The following CREB5 variants were observed in gnomAD, a reference collection of about 807,000 sequenced individuals.
CREB5 encodes the protein cyclic AMP-responsive element-binding protein 5.
Under a neutral mutation model 57.1 loss-of-function variants are expected in CREB5, and 19 were observed. The observed-to-expected ratio is 0.33, with a 90% CI of 0.23 to 0.49. The LOEUF (loss-of-function observed/expected upper bound fraction) is 0.49, where lower values mean the gene tolerates loss of function less well. Among genes scored for constraint, CREB5 ranks in the 20% least tolerant of loss-of-function variants. The pLI is 0.99. For missense variants in CREB5, 579 were observed against 671.6 expected (o/e 0.86, Z 1.52); for synonymous variants, 238 against 238.3 (o/e 1.00, Z 0.01).
intron 5 of CREB5, among the ~76,000 whole-genome samples, chr7:28,710,363 A>G (rs911272508): frequency 6.6e-6 from 1 of 152,192 alleles, no homozygotes; most frequent in Non-Finnish European, 1.5e-5. Context: ...CATATTTATT[A>G]AGCACCTACT....
intron 5 of CREB5, among the ~76,000 whole-genome samples, chr7:28,642,091 A>G (rs1306400621): frequency 2.0e-5 from 3 of 152,238 alleles, no homozygotes; most frequent in Admixed American, 6.5e-5. Flanking sequence ...GGAACCCCGT[A>G]TTAGAGTCTC....
intron 5 of CREB5, among the ~76,000 whole-genome samples, chr7:28,611,211 C>G (rs766074346): frequency 6.6e-6 from 1 of 152,082 alleles, no homozygotes; most frequent in Non-Finnish European, 1.5e-5. Context: ...TGTCCTCAAT[C>G]TTCTGGTAGT....
intron 1 of CREB5, among the ~76,000 whole-genome samples, chr7:28,422,457 T>C (rs1464978889): frequency 6.6e-6 from 1 of 152,128 alleles, no homozygotes; most frequent in East Asian, 1.9e-4. Flanking sequence ...CCTGGCTTTT[T>C]TTGGATTATG....
chr7:28,510,771 C>T (rs1792671297), intron 4 of CREB5, among the ~76,000 whole-genome samples: 1 of 152,168 alleles, frequency 6.6e-6, no homozygotes, highest in Non-Finnish European at 1.5e-5. Flanking sequence ...ACATAGCAGA[C>T]AACACGTTCC....
At chr7:28,316,382 A>G (rs1583666519) in intron 1 of CREB5, among the ~76,000 whole-genome samples, 2 of 152,250 alleles carry the variant, frequency 1.3e-5, no homozygotes, top group South Asian at 2.1e-4. Flanking sequence ...GCCCGGGGAC[A>G]CTGCTGGGCC....
At chr7:28,461,026 C>T (rs1345377357) in intron 1 of CREB5, among the ~76,000 whole-genome samples, 1 of 151,632 alleles carries the variant, frequency 6.6e-6, no homozygotes, top group Non-Finnish European at 1.5e-5. Context: ...CGCATCCCCT[C>T]TACCAACAAC....
At chr7:28,331,460 C>T (rs1219731989) in intron 1 of CREB5, among the ~76,000 whole-genome samples, 3 of 152,014 alleles carry the variant, frequency 2.0e-5, no homozygotes, top group Non-Finnish European at 2.9e-5. Context: ...CAATTTCTGC[C>T]CCTTGGGGAA....
At chr7:28,709,684 AT>A (rs138316363) in intron 5 of CREB5, among the ~76,000 whole-genome samples, 9,400 of 151,580 alleles carry the variant, frequency 0.062, 932 homozygotes, top group African/African-American at 0.21. Flanking sequence ...CCAGGCTTTT[AT>A]TAAAAAAAAA....
At chr7:28,580,523 A>G (rs1335314001) in intron 5 of CREB5, among the ~76,000 whole-genome samples, 2 of 143,472 alleles carry the variant, frequency 1.4e-5, no homozygotes, top group Non-Finnish European at 3.0e-5. Context: ...AGAGAACCAG[A>G]GGAGTGAGTT....
At chr7:28,543,131 T>C (rs1222241393) in intron 4 of CREB5, among the ~76,000 whole-genome samples, 1 of 152,206 alleles carries the variant, frequency 6.6e-6, no homozygotes, top group Non-Finnish European at 1.5e-5. Flanking sequence ...ATCTGAAATT[T>C]AGTTATTTGT....
At chr7:28,542,329 C>T (rs1270531950) in intron 4 of CREB5, among the ~76,000 whole-genome samples, 1 of 152,160 alleles carries the variant, frequency 6.6e-6, no homozygotes. Flanking sequence ...TTTTTAGATA[C>T]CTTAAGTCGT....
At chr7:28,725,659 A>AAAG (rs1554291848) in intron 7 of CREB5, among the ~76,000 whole-genome samples, 11,548 of 146,868 alleles carry the variant, frequency 0.079, 654 homozygotes, top group Non-Finnish European at 0.13. Context: ...AAAAAAAAAA[A>AAAG]AAAGAAAGAA....
At chr7:28,589,212 A>G (rs777688644) in intron 5 of CREB5, among the ~76,000 whole-genome samples, 1 of 152,204 alleles carries the variant, frequency 6.6e-6, no homozygotes, top group Non-Finnish European at 1.5e-5. Flanking sequence ...TAAGTTGCAG[A>G]CATCAGTAAC....
chr7:28,353,503 A>G (rs941528249), intron 1 of CREB5, among the ~76,000 whole-genome samples: 1 of 152,266 alleles, frequency 6.6e-6, no homozygotes, highest in Non-Finnish European at 1.5e-5. Context: ...GTTTATGTGC[A>G]TACATATAAG....
chr7:28,735,121 T>G lies in CREB5; in HGVS notation c.702+10789T>G, dbSNP rs1159859382. On this transcript the variant is annotated intron_variant, in intron 7 of 10. Transcript: ENST00000357727. ...TTAATCGTTTTGGTTTTTTTTGTTT[T>G]TTTGTGTGTGGATTTTTTGTTTGTT... 2.0e-5 allele frequency among the ~76,000 whole-genome samples: 3 copies of G among 151,408 alleles called. No individual in the cohort carries two copies. The South Asian group carries it at 6.3e-4, about 32-fold the overall frequency.
In CREB5 at chr7:28,519,157, A is replaced by G. The variant is rs552781277; in HGVS notation, c.291+11420A>G. Among the ~76,000 whole-genome samples the G allele has an allele frequency of 3.4e-3, 515 of 152,286 alleles. 5 individuals carry two copies. Among genetic ancestry groups the G allele is most frequent in the African/African-American group, 0.012 (480 of 41,554 alleles). On this transcript the variant is annotated intron_variant, in intron 4 of 10. Coordinates refer to ENST00000357727, the MANE Select transcript of CREB5 (RefSeq NM_182898.4). ...ACACCGTTGTGACATTGCTGCCTGG[A>G]AGAGGCGTCTTTTTCCTGCATGTCA...
rs35346093 is a variant in CREB5, at chr7:28,552,004, C to CTT, written c.292-18360_292-18359insTT. On this transcript the variant is annotated intron_variant, in intron 4 of 10. Transcript: ENST00000357727. ...CTCTCTCTTTCTCTCTTTTCTCTCT[C>CTT]TCTCTCTTTTCTCTCTCTCTTTCTC... 6.3e-5 allele frequency among the ~76,000 whole-genome samples: 9 copies of CTT among 143,882 alleles called. No homozygotes were observed. In the South Asian group the frequency reaches 1.1e-3, roughly 17 times the overall value. 94.4% of individuals were successfully genotyped at this position (143,882 alleles called of 152,430 possible). A position where few individuals can be genotyped will look rare whatever the true frequency, so the allele number is the denominator to read the frequency against.
At chr7:28,721,193 AG>A (rs1803013877) in intron 6 of CREB5, among the ~76,000 whole-genome samples, 1 of 152,180 alleles carries the variant, frequency 6.6e-6, no homozygotes, top group Admixed American at 6.6e-5. Flanking sequence ...TGTCACAACC[AG>A]GGTCGGTGGG....
At chr7:28,755,935 G>C (rs769429905) in intron 7 of CREB5, among the ~76,000 whole-genome samples, 1 of 152,102 alleles carries the variant, frequency 6.6e-6, no homozygotes, top group Non-Finnish European at 1.5e-5. Context: ...CTATGTGCTG[G>C]GTTCCATGAT....
Sources: gnomAD v4.1 joint callset for allele counts (sites outside exome capture counted in the v4.1 genomes callset) on GRCh38, gnomAD v4.1.1 for gene constraint, MANE v1.5 for transcripts, NCBI Gene and HGNC (gene_info 2026-07-23, HGNC 2026-07-21) for gene names.